CAMK1: variants seen among roughly 807,000 people sequenced by gnomAD.
The protein encoded by CAMK1 is calcium/calmodulin dependent protein kinase I, also known as calcium/calmodulin-dependent protein kinase type 1.
In CAMK1, 39 loss-of-function variants were observed where a neutral mutation model predicts 49.1. The ratio of observed to expected loss-of-function variants is 0.79; its 90% CI spans 0.62 to 1.04. The LOEUF (loss-of-function observed/expected upper bound fraction) is 1.04. Ranked by LOEUF, CAMK1 falls within the 50% of genes least tolerant of loss-of-function variation. CAMK1 has a pLI of 0.00. For missense variants in CAMK1, 457 were observed against 472.2 expected (o/e 0.97, Z 0.30); for synonymous variants, 192 against 185.2 (o/e 1.04, Z -0.30).
At chr3:9,769,542 C>A (rs373813465) in intron 1 of CAMK1, among the ~76,000 whole-genome samples, 1 of 152,298 alleles carries the variant, frequency 6.6e-6, no homozygotes, top group African/African-American at 2.4e-5. Context: ...CTCCGCAAGC[C>A]CCCCCACCCC....
In CAMK1 at chr3:9,757,675, C is replaced by T; in HGVS notation, c.1030+54G>A. On this transcript the variant is annotated intron_variant, in intron 11 of 11. Coordinates refer to ENST00000256460, the MANE Select transcript of CAMK1 (RefSeq NM_003656.5). The surrounding 1 kb of genome is among the most constrained non-coding windows in gnomAD (Gnocchi z 4.5). ...CGCAGGGGCAGGCCCTCCACTCCAG[C>T]CCGGGTGCACCTTTGTGGACCACCC... 2 of 1,614,058 alleles carry T rather than the reference C, an allele frequency of 1.2e-6. No individual in the cohort carries two copies. Among genetic ancestry groups the T allele is most frequent in the Non-Finnish European group, 1.7e-6 (2 of 1,179,992 alleles).
chr3:9,767,074 C>T (rs1240676381), intron 2 of CAMK1, among the ~76,000 whole-genome samples: 1 of 152,172 alleles, frequency 6.6e-6, no homozygotes, highest in Non-Finnish European at 1.5e-5. Context: ...TTTGTTTATG[C>T]TATTCCTTCT....
intron 10 of CAMK1, 193 bp from the exon 11 acceptor site, chr3:9,758,039 T>C (rs1172169385): frequency 1.3e-6 from 1 of 768,186 alleles, no homozygotes; most frequent in Non-Finnish European, 2.0e-6. Flanking sequence ...CACGCACATA[T>C]GTTAGATGTA....
At position 9,760,646 on chromosome 3, in the gene CAMK1, C is replaced by T; in HGVS notation, c.745+10G>A. ...CAGGGCCCAGGGGAAAAAAGCAAAG[C>T]CCCAAATACCAGAGTCAGAGATGTC... On this transcript the variant is annotated intron_variant, in intron 8 of 11. Transcript: ENST00000256460. 6.2e-7 allele frequency: 1 copy of T among 1,613,654 alleles called. No individual in the cohort carries two copies. Among genetic ancestry groups the T allele is most frequent in the Non-Finnish European group, 8.5e-7 (1 of 1,179,748 alleles).
At position 9,760,774 on chromosome 3, in the gene CAMK1, C is replaced by T; in HGVS notation, c.633-6G>A. 6.2e-7 allele frequency: 1 copy of T among 1,613,916 alleles called. No individual in the cohort carries two copies. The highest frequency in any genetic ancestry group is 8.5e-7 in the Non-Finnish European group (1 of 1,179,868). ...AGGGAGGGTAACCGCAGAGCCTGGG[C>T]AGGGAGAAACTCATCCTCATTTCCA... On this transcript the variant is annotated splice_polypyrimidine_tract_variant and splice_region_variant and intron_variant, in intron 7 of 11. Transcript: ENST00000256460.
chr3:9,761,411 C>A, intron 7 of CAMK1, 50 bp downstream of exon 7: 2 of 1,560,232 alleles, frequency 1.3e-6, no homozygotes, highest in South Asian at 1.2e-5. Flanking sequence ...GGAAAGTAGG[C>A]GAGAGGACAA....
intron 7 of CAMK1, 177 bp downstream of exon 7, chr3:9,761,284 G>T: frequency 3.1e-6 from 2 of 651,820 alleles, no homozygotes; most frequent in Non-Finnish European, 5.1e-6. Context: ...GTGCTTGCTT[G>T]GCACAGTGCT....
At chr3:9,761,852 A>T in intron 5 of CAMK1, 95 bp from the exon 6 acceptor site, 1 of 1,524,816 alleles carries the variant, frequency 6.6e-7, no homozygotes, top group Non-Finnish European at 8.8e-7. Flanking sequence ...GAAATAATGG[A>T]TCCCCAAAAG....
chr3:9,757,617 CGGCCCTGCATGGGAA>C lies in CAMK1; in HGVS notation c.1031-11_1034del. ...AGTCTCGACAGCAACAGCCAGCTGC[CGGCCCTGCATGGGAA>C]GACAGAACAGAGGTGGCCGCAGGGG... On this transcript the variant is annotated splice_acceptor_variant and splice_polypyrimidine_tract_variant and coding_sequence_variant and intron_variant, in exon 12 of 12. Coordinates refer to ENST00000256460, the MANE Select transcript of CAMK1 (RefSeq NM_003656.5). LOFTEE classifies it high-confidence loss of function. This position sits in a 1 kb window ranked among gnomAD's most constrained non-coding sequence, Gnocchi z 4.5. 1 of 1,614,172 alleles carries C rather than the reference CGGCCCTGCATGGGAA, an allele frequency of 6.2e-7. No homozygotes were observed. Among genetic ancestry groups the C allele is most frequent in the South Asian group, 1.1e-5 (1 of 91,090 alleles).
At chr3:9,767,824 C>G in intron 1 of CAMK1, 43 bp from the exon 2 acceptor site, 1 of 1,587,408 alleles carries the variant, frequency 6.3e-7, no homozygotes, top group South Asian at 1.1e-5. Flanking sequence ...GAGCCCAGCC[C>G]TCTGTCTGGG....
intron 2 of CAMK1, chr3:9,766,787 T>C: frequency 3.9e-6 from 1 of 254,010 alleles, no homozygotes; most frequent in Non-Finnish European, 6.6e-6. Context: ...TTAGTTACTG[T>C]AGTAACCTCA....
At chr3:9,761,005 C>T (rs193236381) in intron 7 of CAMK1, 129 of 502,356 alleles carry the variant, frequency 2.6e-4, no homozygotes, top group African/African-American at 2.3e-3. Flanking sequence ...TCTGCCTATG[C>T]CACTCTTTCC....
chr3:9,757,930 T>C lies in CAMK1; in HGVS notation c.913-84A>G. On this transcript the variant is annotated intron_variant, in intron 10 of 11. Transcript: ENST00000256460. The surrounding 1 kb of genome is among the most constrained non-coding windows in gnomAD (Gnocchi z 4.5). Reference sequence around the variant, plus strand: ...TGGGGCAGGGGCGCAGTGGGATTCTTGCAATTGTTCTGTTATTTTCATTCA... The same window carrying C: ...TGGGGCAGGGGCGCAGTGGGATTCTCGCAATTGTTCTGTTATTTTCATTCA... The C allele has an allele frequency of 6.6e-7, 1 of 1,516,720 alleles. No homozygotes were observed. The highest frequency in any genetic ancestry group is 1.4e-5 in the African/African-American group (1 of 71,936). The allele number at this position is 1,516,720 out of a possible 1,614,324, so 94.0% of individuals were successfully genotyped here.
In CAMK1 at chr3:9,757,984, C is replaced by G. The variant is rs996346338; in HGVS notation, c.913-138G>C. On this transcript the variant is annotated intron_variant, in intron 10 of 11. Transcript: ENST00000256460. The surrounding 1 kb of genome is among the most constrained non-coding windows in gnomAD (Gnocchi z 4.5). ...GTTATTTTATTAATTCCCCTAAAGCCCCCCAAAAACCTCTACAAGGCTTTA... is the reference window on the plus strand; with the variant it reads ...GTTATTTTATTAATTCCCCTAAAGCGCCCCAAAAACCTCTACAAGGCTTTA... 9 of 1,395,108 alleles carry G rather than the reference C, an allele frequency of 6.5e-6. No individual in the cohort carries two copies. Among genetic ancestry groups the G allele is most frequent in the African/African-American group, 2.9e-5 (2 of 68,722 alleles). The allele number at this position is 1,395,108 out of a possible 1,614,324, so 86.4% of individuals were successfully genotyped here.
chr3:9,769,207 A>G (rs1375991585), intron 1 of CAMK1, among the ~76,000 whole-genome samples: 1 of 151,510 alleles, frequency 6.6e-6, no homozygotes, highest in Non-Finnish European at 1.5e-5. Context: ...ACACCCCAAA[A>G]CACACATCCA....
Position 9,760,596 on chromosome 3 carries a change from A to G in CAMK1, c.745+60T>C, listed in dbSNP as rs188481420. 3.8e-6 allele frequency: 6 copies of G among 1,563,214 alleles called. No homozygotes were observed. In the African/African-American group the frequency reaches 5.4e-5, roughly 14 times the overall value. ...GAAGGCAGGAGGGAGACCGCCCCCA[A>G]AGCAGGTGAGGGAGGAACCAGAGGC... On this transcript the variant is annotated intron_variant, in intron 8 of 11. Transcript: ENST00000256460.
chr3:9,762,893 C>G, intron 5 of CAMK1, 21 bp downstream of exon 5: 3 of 1,613,532 alleles, frequency 1.9e-6, no homozygotes, highest in South Asian at 1.1e-5. Context: ...CCCTAGCTCA[C>G]CACACCCCCT....
At position 9,757,875 on chromosome 3, in the gene CAMK1, G is replaced by A. The variant is rs779884146; in HGVS notation, c.913-29C>T. The A allele has an allele frequency of 5.1e-6, 8 of 1,581,360 alleles. No homozygotes were observed. Among genetic ancestry groups the A allele is most frequent in the Admixed American group, 1.7e-5 (1 of 57,838 alleles). The stretch of plus-strand genomic sequence containing the variant: ...GCATTGAAGGCATTGAAGGGAGAGG[G>A]GAGAAAGGACTTTTGAGAGAGTCAA... On this transcript the variant is annotated intron_variant, in intron 10 of 11. Coordinates refer to ENST00000256460, the MANE Select transcript of CAMK1 (RefSeq NM_003656.5). The surrounding 1 kb of genome is among the most constrained non-coding windows in gnomAD (Gnocchi z 4.5).
Position 9,765,569 on chromosome 3 carries a change from C to T in CAMK1, c.215+190G>A, listed in dbSNP as rs151072250. Among the ~76,000 whole-genome samples the T allele has an allele frequency of 1.7e-3, 258 of 152,312 alleles. 3 individuals are homozygous for T. Among genetic ancestry groups the T allele is most frequent in the Admixed American group, 0.011 (162 of 15,300 alleles). On this transcript the variant is annotated intron_variant, in intron 3 of 11. Transcript: ENST00000256460. The stretch of plus-strand genomic sequence containing the variant: ...CTCCATCACATCTGTCATGTTAGGC[C>T]AGGCACTTGAAATAAAGGACTTCTG...
Sources: allele counts gnomAD v4.1 joint callset (sites outside exome capture counted in the v4.1 genomes callset), GRCh38; gene constraint gnomAD v4.1.1; non-coding constraint Gnocchi (gnomAD v3.1); transcripts MANE v1.5; gene names NCBI Gene and HGNC (gene_info 2026-07-23, HGNC 2026-07-21).